The following CTNNA3 variants were observed in gnomAD, a reference collection of about 807,000 sequenced individuals.
The protein encoded by CTNNA3 is catenin alpha 3.
CTNNA3 carries 76 observed loss-of-function variants against 95.7 expected under a neutral mutation model. The ratio of observed to expected loss-of-function variants is 0.79; its 90% confidence interval spans 0.66 to 0.96. The LOEUF (loss-of-function observed/expected upper bound fraction) is 0.96, where lower values mean the gene tolerates loss of function less well. CTNNA3 is among the 40% of genes least tolerant of loss of function. The probability of loss-of-function intolerance (pLI) is 0.00; values close to 1 mark genes in which losing one functional copy is unlikely to be tolerated. For missense variants in CTNNA3, 1,191 were observed against 1,089.8 expected (o/e 1.09, Z -1.31); for synonymous variants, 431 against 374.4 (o/e 1.15, Z -1.74).
chr10:66,819,207 T>C (rs1227196010), intron 7 of CTNNA3, among the ~76,000 whole-genome samples: 1 of 151,902 alleles, frequency 6.6e-6, no homozygotes, highest in East Asian at 1.9e-4. Context: ...GGTCAATTGA[T>C]ATTTAGAAGA....
intron 5 of CTNNA3, among the ~76,000 whole-genome samples, chr10:67,318,558 T>G (rs79253295): frequency 0.042 from 6,427 of 152,244 alleles, 193 homozygotes; most frequent in South Asian, 0.1. Context: ...AGCAGTCCTC[T>G]CCCCAAACCC....
At chr10:66,780,843 C>G (rs1840505331) in intron 7 of CTNNA3, among the ~76,000 whole-genome samples, 1 of 152,058 alleles carries the variant, frequency 6.6e-6, no homozygotes, top group African/African-American at 2.4e-5. Context: ...CCTTAATTTC[C>G]AAACCCATAA....
intron 12 of CTNNA3, among the ~76,000 whole-genome samples, chr10:66,329,943 AT>A (rs1210616028): frequency 2.6e-5 from 4 of 152,060 alleles, no homozygotes; most frequent in African/African-American, 9.7e-5. Flanking sequence ...GTGGAATTGA[AT>A]TTTTACCATC....
intron 3 of CTNNA3, among the ~76,000 whole-genome samples, chr10:67,575,211 G>T (rs187870078): frequency 6.6e-4 from 100 of 152,158 alleles, no homozygotes; most frequent in African/African-American, 2.4e-3. Context: ...TTCTCTGGAG[G>T]TTCTGAATCT....
intron 5 of CTNNA3, among the ~76,000 whole-genome samples, chr10:67,395,736 A>C (rs1226972581): frequency 6.6e-6 from 1 of 152,214 alleles, no homozygotes; most frequent in Non-Finnish European, 1.5e-5. Context: ...TGATGACATT[A>C]CATAACAACA....
chr10:67,034,080 T>C (rs1197444103), intron 7 of CTNNA3, among the ~76,000 whole-genome samples: 1 of 152,166 alleles, frequency 6.6e-6, no homozygotes, highest in Non-Finnish European at 1.5e-5. Flanking sequence ...CCTATACTGC[T>C]TCTTAAAAGG....
chr10:67,493,333 G>A (rs982330816), intron 5 of CTNNA3, among the ~76,000 whole-genome samples: 2 of 152,212 alleles, frequency 1.3e-5, no homozygotes, highest in East Asian at 3.9e-4. Flanking sequence ...AGGCCGAGGC[G>A]GGTGGATCAT....
chr10:67,286,532 G>A (rs900175542), intron 5 of CTNNA3, among the ~76,000 whole-genome samples: 2 of 152,172 alleles, frequency 1.3e-5, no homozygotes, highest in Non-Finnish European at 2.9e-5. Context: ...TAGCTAAATA[G>A]CTGGCACAGA....
intron 2 of CTNNA3, among the ~76,000 whole-genome samples, chr10:67,640,310 T>C (rs374117752): frequency 2.0e-5 from 3 of 151,902 alleles, no homozygotes; most frequent in Admixed American, 6.6e-5. Flanking sequence ...ATGTGAAGGA[T>C]CTCTTCAAGG....
chr10:66,948,742 T>C (rs1848396547), intron 7 of CTNNA3, among the ~76,000 whole-genome samples: 2 of 152,170 alleles, frequency 1.3e-5, no homozygotes, highest in Non-Finnish European at 2.9e-5. Context: ...TAACAATCTG[T>C]TATTTGCTCC....
rs77695402 is a variant in CTNNA3 at position 67,631,035 on chromosome 10, C to A, written c.99+16380G>T. Among the ~76,000 whole-genome samples, 537 of 152,218 alleles carry A rather than the reference C, an allele frequency of 3.5e-3. 1 individual carries two copies. The highest frequency in any genetic ancestry group is 0.012 in the African/African-American group (508 of 41,556). ...AGTATACAACATAGAGATGTAAATT[C>A]TTTGAAGCACAATTCTGCATAAATA... On this transcript the variant is annotated intron_variant, in intron 2 of 17. Coordinates refer to ENST00000433211, the MANE Select transcript of CTNNA3 (RefSeq NM_013266.4).
intron 1 of CTNNA3, among the ~76,000 whole-genome samples, chr10:67,671,326 C>T (rs1840427779): frequency 6.6e-6 from 1 of 151,922 alleles, no homozygotes; most frequent in Non-Finnish European, 1.5e-5. Flanking sequence ...AACTTGGGCC[C>T]TTGATGACAT....
chr10:67,265,287 A>G lies in CTNNA3; in HGVS notation c.580-45417T>C, dbSNP rs115315653. 2.5e-3 allele frequency among the ~76,000 whole-genome samples: 381 copies of G among 152,272 alleles called. 2 individuals carry two copies. The highest frequency in any genetic ancestry group is 8.7e-3 in the African/African-American group (361 of 41,558). ...ATTCCGTTACTTTGAAATTCTATCA[A>G]CAGATTTATGATGACTTGATTATAC... On this transcript the variant is annotated intron_variant, in intron 5 of 17. Coordinates refer to ENST00000433211, the MANE Select transcript of CTNNA3 (RefSeq NM_013266.4).
chr10:66,959,257 A>G (rs1366165372), intron 7 of CTNNA3, among the ~76,000 whole-genome samples: 1 of 152,164 alleles, frequency 6.6e-6, no homozygotes, highest in Non-Finnish European at 1.5e-5. Flanking sequence ...TCATGTTCCC[A>G]AATCTTCAGT....
At chr10:67,635,342 A>G (rs963878853) in intron 2 of CTNNA3, among the ~76,000 whole-genome samples, 14 of 152,206 alleles carry the variant, frequency 9.2e-5, no homozygotes, top group Admixed American at 9.2e-4. Flanking sequence ...TCATCCTGAT[A>G]AAATCTGGCA....
At chr10:66,105,087 C>G (rs1198733175) in intron 13 of CTNNA3, among the ~76,000 whole-genome samples, 18 of 152,160 alleles carry the variant, frequency 1.2e-4, no homozygotes, top group Admixed American at 9.8e-4. Flanking sequence ...TCAACCAATT[C>G]CTATCAGATA....
At chr10:67,064,155 A>T (rs1855927245) in intron 7 of CTNNA3, among the ~76,000 whole-genome samples, 4 of 152,172 alleles carry the variant, frequency 2.6e-5, no homozygotes, top group Admixed American at 2.6e-4. Context: ...CATGAATATG[A>T]TAACTACTTA....
At chr10:66,823,077 G>C (rs374647469) in intron 7 of CTNNA3, among the ~76,000 whole-genome samples, 1 of 152,172 alleles carries the variant, frequency 6.6e-6, no homozygotes, top group Non-Finnish European at 1.5e-5. Context: ...CAACAATTCT[G>C]GTAGTAGCAC....
chr10:66,848,237 A>AT (rs1350725128), intron 7 of CTNNA3, among the ~76,000 whole-genome samples: 1 of 152,174 alleles, frequency 6.6e-6, no homozygotes, highest in African/African-American at 2.4e-5. Context: ...TATAGGCAAG[A>AT]TTTTTTGAGA....
Sources: allele counts gnomAD v4.1 joint callset (sites outside exome capture counted in the v4.1 genomes callset), GRCh38; gene constraint gnomAD v4.1.1; transcripts MANE v1.5; gene names NCBI Gene and HGNC (gene_info 2026-07-23, HGNC 2026-07-21).